MYH10: variants seen among roughly 807,000 people sequenced by gnomAD.
MYH10 encodes myosin-10.
Under a neutral mutation model 257.8 loss-of-function variants are expected in MYH10, and 55 were observed. The ratio of observed to expected loss-of-function variants is 0.21; its 90% CI spans 0.17 to 0.27. The LOEUF (loss-of-function observed/expected upper bound fraction) is 0.27. MYH10 is among the 10% of genes least tolerant of loss of function. MYH10 has a pLI of 1.00. For missense variants in MYH10, 1,631 were observed against 2,500.6 expected (o/e 0.65, Z 7.42); for synonymous variants, 854 against 921.7 (o/e 0.93, Z 1.33).
rs114020524 is a variant in MYH10 at position 8,474,985 on chromosome 17, C to A, written c.*819G>T. ...TCCACCAGCTCGGCTTAGGGGTCCA[C>A]GGCTGCTTGCTCCTGACGTGAGGAG... On this transcript the variant is annotated 3_prime_UTR_variant, in exon 43 of 43. Coordinates refer to ENST00000360416, the MANE Select transcript of MYH10 (RefSeq NM_001256012.3). 3.3e-5 allele frequency: 5 copies of A among 152,572 alleles called. No homozygotes were observed. In the East Asian group the frequency reaches 9.6e-4, roughly 29 times the overall value. 9.5% of individuals were successfully genotyped at this position (152,572 alleles called of 1,614,324 possible).
intron 6 of MYH10, among the ~76,000 whole-genome samples, chr17:8,572,342 CT>C (rs1268025149): frequency 6.6e-6 from 1 of 151,924 alleles, no homozygotes; most frequent in Non-Finnish European, 1.5e-5. Context: ...GTTGTATCCC[CT>C]GTGCCTAACT....
intron 40 of MYH10, among the ~76,000 whole-genome samples, chr17:8,478,994 A>T (rs1354960662): frequency 6.6e-6 from 1 of 152,184 alleles, no homozygotes; most frequent in Non-Finnish European, 1.5e-5. Flanking sequence ...GGCCTCCCAA[A>T]GTGCTGGGAT....
chr17:8,599,094 C>T (rs1351737566), intron 3 of MYH10, among the ~76,000 whole-genome samples: 3 of 152,206 alleles, frequency 2.0e-5, no homozygotes, highest in African/African-American at 7.2e-5. Context: ...ACAAAACATT[C>T]ATACTCATTA....
chr17:8,522,931 C>T (rs2081705538), intron 17 of MYH10, among the ~76,000 whole-genome samples: 1 of 152,186 alleles, frequency 6.6e-6, no homozygotes, highest in Non-Finnish European at 1.5e-5. Flanking sequence ...TTTTTAGGAG[C>T]TCCACCTTCT....
chr17:8,525,175 T>C (rs1479119186), intron 17 of MYH10, among the ~76,000 whole-genome samples: 3 of 152,230 alleles, frequency 2.0e-5, no homozygotes, highest in Non-Finnish European at 2.9e-5. Flanking sequence ...GGCAAATGCT[T>C]AAATACTTTT....
Position 8,499,416 on chromosome 17 carries a change from A to G in MYH10, c.3805T>C (p.Cys1269Arg). 2.5e-6 allele frequency: 4 copies of G among 1,613,930 alleles called. No homozygotes were observed. Among genetic ancestry groups the G allele is most frequent in the Non-Finnish European group, 1.7e-6 (2 of 1,179,994 alleles). ...ACCTGCTGCAGGACCTTCACCTCAC[A>G]CGCCAGCTCCTTGTTATCTGTCTCC... ...GLETDNKELA[C>R]EVKVLQQVKA... Residue 1269 changes from cysteine (C) to arginine (R), a missense_variant, in exon 30 of 43, where the codon TGT (cysteine) becomes CGT (arginine). By Grantham distance (180) the Cys-to-Arg change is radical (BLOSUM62 -3). Coordinates refer to ENST00000360416, the MANE Select transcript of MYH10 (RefSeq NM_001256012.3).
At chr17:8,570,546 G>A (rs991367571) in intron 6 of MYH10, among the ~76,000 whole-genome samples, 6 of 152,188 alleles carry the variant, frequency 3.9e-5, no homozygotes, top group Non-Finnish European at 8.8e-5. Flanking sequence ...TTCTGGCCAT[G>A]AAAAGCACCA....
Position 8,509,916 on chromosome 17 carries a change from C to G in MYH10, c.2986G>C (p.Ala996Pro). ...TTTTCCAGCTGCAGCTTTTGCCGAG[C>G]CCCTTCCTCCTCGTCTAGCTGTTCT... ...LEEQLDEEEGARQKLQLEKVT... is the reference protein window; with the variant it reads ...LEEQLDEEEGPRQKLQLEKVT... Residue 996 changes from alanine to proline, a missense_variant, in exon 25 of 43, where the codon GCT becomes CCT. Ala to Pro is a conservative substitution (Grantham distance 27). Around this residue, in one of 11 missense-constraint regions of MYH10, gnomAD observed 169 missense variants for 249.8 expected, o/e 0.68. Transcript: ENST00000360416. 1 of 1,612,464 alleles carries G rather than the reference C, an allele frequency of 6.2e-7. No homozygotes were observed. The highest frequency in any genetic ancestry group is 8.5e-7 in the Non-Finnish European group (1 of 1,179,176).
chr17:8,617,571 G>A (rs547370851), intron 2 of MYH10, among the ~76,000 whole-genome samples: 73 of 152,202 alleles, frequency 4.8e-4, no homozygotes, highest in Admixed American at 8.5e-4. Flanking sequence ...CTGAAGATAT[G>A]AGTTACAGAT....
chr17:8,544,462 G>T (rs963440030), intron 13 of MYH10, among the ~76,000 whole-genome samples: 7 of 151,954 alleles, frequency 4.6e-5, no homozygotes, highest in African/African-American at 1.7e-4. Context: ...TTTTTTTAAT[G>T]CAATTTGTAC....
At chr17:8,599,397 A>G (rs1336164045) in intron 3 of MYH10, among the ~76,000 whole-genome samples, 3 of 152,166 alleles carry the variant, frequency 2.0e-5, no homozygotes, top group South Asian at 4.1e-4. Context: ...AACTCCCTCT[A>G]TAACTGTGGT....
chr17:8,519,185 A>G (rs1438867515), intron 19 of MYH10, among the ~76,000 whole-genome samples: 1 of 152,220 alleles, frequency 6.6e-6, no homozygotes, highest in African/African-American at 2.4e-5. Flanking sequence ...TAGGTTTAGG[A>G]GGTTGTGGCA....
chr17:8,625,237 C>T (rs895655197), intron 1 of MYH10, among the ~76,000 whole-genome samples: 2 of 152,112 alleles, frequency 1.3e-5, no homozygotes, highest in African/African-American at 4.8e-5. Context: ...GGTGACAGAG[C>T]AAGACTCCGT....
chr17:8,530,463 A>G (rs768623439), intron 17 of MYH10, among the ~76,000 whole-genome samples, 160 bp downstream of exon 17: 2 of 152,224 alleles, frequency 1.3e-5, no homozygotes, highest in Non-Finnish European at 1.5e-5. Context: ...TGAAAGGTTC[A>G]TGCAGGCCTA....
chr17:8,510,039 A>ATTTT, intron 24 of MYH10, 90 bp from the exon 25 acceptor site: 2 of 1,076,470 alleles, frequency 1.9e-6, no homozygotes, highest in Non-Finnish European at 2.3e-6. Context: ...ATGAGATACT[A>ATTTT]ATTTTTTTTT....
chr17:8,617,962 C>T (rs895700095), intron 2 of MYH10, among the ~76,000 whole-genome samples: 3 of 151,994 alleles, frequency 2.0e-5, no homozygotes, highest in South Asian at 2.1e-4. Context: ...ACATTTCTTA[C>T]GAAAAATAAC....
chr17:8,561,552 A>AT (rs770021288), intron 7 of MYH10: 14 of 1,143,650 alleles, frequency 1.2e-5, no homozygotes, highest in Non-Finnish European at 1.4e-5. Flanking sequence ...GTGCTGCCCC[A>AT]TGTCTCCCAC....
intron 3 of MYH10, among the ~76,000 whole-genome samples, chr17:8,593,751 C>T (rs953824251): frequency 2.0e-5 from 3 of 152,052 alleles, no homozygotes; most frequent in South Asian, 2.1e-4. Context: ...GTTGTTAATT[C>T]GGCCTCAACT....
chr17:8,520,091 G>C (rs1031332848), intron 19 of MYH10, among the ~76,000 whole-genome samples: 3 of 152,164 alleles, frequency 2.0e-5, no homozygotes, highest in African/African-American at 7.2e-5. Context: ...AGAAAAGATG[G>C]AAAGAAGTAC....
Sources: gnomAD v4.1 joint callset for allele counts (sites outside exome capture counted in the v4.1 genomes callset) on GRCh38, gnomAD v4.1.1 for gene constraint, gnomAD v4.1.1 regional missense constraint, MANE v1.5 for transcripts, NCBI Gene and HGNC (gene_info 2026-07-23, HGNC 2026-07-21) for gene names.